Variants in RNF212 observed in about 807,000 individuals in gnomAD.
RNF212 encodes the protein probable E3 SUMO-protein ligase RNF212.
Under a neutral mutation model 34.7 loss-of-function variants are expected in RNF212, and 33 were observed. The ratio of observed to expected loss-of-function variants is 0.95; its 90% CI spans 0.72 to 1.27. The LOEUF (loss-of-function observed/expected upper bound fraction) is 1.27. Among genes scored for constraint, RNF212 ranks in the 50% most tolerant of loss-of-function variants. RNF212 has a pLI of 0.00. For synonymous variants in RNF212, 140 were observed against 136.1 expected, an observed-to-expected ratio of 1.03 and a Z score of -0.20; for missense variants, 377 against 362.2, an observed-to-expected ratio of 1.04 and a Z score of -0.33.
At chr4:1,075,537 C>T (rs1461865502) in intron 8 of RNF212, among the ~76,000 whole-genome samples, 2 of 152,232 alleles carry the variant, frequency 1.3e-5, no homozygotes, top group Non-Finnish European at 2.9e-5. Context: ...GCAAAGACAG[C>T]ACCAGCCACC....
intron 2 of RNF212, among the ~76,000 whole-genome samples, chr4:1,102,477 C>T (rs6814094): frequency 0.82 from 124,182 of 152,074 alleles, 52,282 homozygotes; most frequent in East Asian, 1. Context: ...CAGTTAAAAC[C>T]TGTGTTGTTC....
intron 5 of RNF212, among the ~76,000 whole-genome samples, chr4:1,084,238 A>G (rs1720821198): frequency 6.6e-6 from 1 of 152,214 alleles, no homozygotes; most frequent in African/African-American, 2.4e-5. Context: ...GGCGTGAGCC[A>G]CTGCGCCTGG....
intron 8 of RNF212, among the ~76,000 whole-genome samples, chr4:1,074,293 T>C (rs1441125504): frequency 6.6e-6 from 1 of 152,198 alleles, no homozygotes; most frequent in Non-Finnish European, 1.5e-5. Flanking sequence ...TTCTAGTTGC[T>C]GCCCCTTCCT....
chr4:1,103,327 T>C lies in RNF212; in HGVS notation c.171+5016A>G, dbSNP rs116365416. On this transcript the variant is annotated intron_variant, in intron 2 of 9. Transcript: ENST00000433731. Reference sequence around the variant, plus strand: ...GAATGCTACCAAACATTTAAAGAAATAACCCCCATCTTACAAAAAATTTTC... The same window carrying C: ...GAATGCTACCAAACATTTAAAGAAACAACCCCCATCTTACAAAAAATTTTC... Among the ~76,000 whole-genome samples, 775 of 152,110 alleles carry C rather than the reference T, an allele frequency of 5.1e-3. 5 individuals are homozygous for C. Among genetic ancestry groups the C allele is most frequent in the African/African-American group, 0.018 (735 of 41,484 alleles).
intron 7 of RNF212, among the ~76,000 whole-genome samples, chr4:1,081,093 T>G (rs999420528): frequency 6.6e-6 from 1 of 152,210 alleles, no homozygotes; most frequent in Non-Finnish European, 1.5e-5. Context: ...CTTAATTTCC[T>G]GTTAGGGCAG....
At chr4:1,061,070 G>T (rs926928634) in intron 3 of RNF212, among the ~76,000 whole-genome samples, 1 of 152,230 alleles carries the variant, frequency 6.6e-6, no homozygotes, top group Non-Finnish European at 1.5e-5. Flanking sequence ...ATTGACTCCT[G>T]AAATCAGAAC....
At chr4:1,071,381 A>G (rs956285302), downstream of RNF212, 3 of 152,224 alleles carry the variant, frequency 2.0e-5, no homozygotes, top group Non-Finnish European at 1.5e-5. Flanking sequence ...ATAAACTCCA[A>G]AGAATTTGGA....
chr4:1,099,598 T>C (rs1283460472), intron 2 of RNF212: 9 of 401,142 alleles, frequency 2.2e-5, no homozygotes, highest in Non-Finnish European at 4.0e-5. Context: ...AAGTCAAGAT[T>C]GCTCGCACAA....
intron 5 of RNF212, among the ~76,000 whole-genome samples, chr4:1,082,714 G>A (rs1426537935): frequency 6.6e-6 from 1 of 152,210 alleles, no homozygotes; most frequent in East Asian, 1.9e-4. Flanking sequence ...AGCTCCCAGA[G>A]GACGGGCACT....
At chr4:1,096,976 G>A in intron 2 of RNF212, 137 bp from the exon 3 acceptor site, 1 of 705,192 alleles carries the variant, frequency 1.4e-6, no homozygotes, top group Non-Finnish European at 2.5e-6. Context: ...GGCCTCTCAG[G>A]GGCCCTGCCA....
At chr4:1,111,182 C>T (rs1725603541) in intron 1 of RNF212, among the ~76,000 whole-genome samples, 1 of 152,214 alleles carries the variant, frequency 6.6e-6, no homozygotes, top group Non-Finnish European at 1.5e-5. Flanking sequence ...AGTTCATCAA[C>T]ATCTCTTTTT....
intron 1 of RNF212, among the ~76,000 whole-genome samples, chr4:1,109,033 A>G: frequency 7.4e-6 from 1 of 135,402 alleles, no homozygotes; most frequent in Non-Finnish European, 1.6e-5. Flanking sequence ...TTTGAGACAG[A>G]GTTTCACTCT....
chr4:1,075,083 TAC>T (rs1202917819), intron 8 of RNF212, among the ~76,000 whole-genome samples: 1 of 152,226 alleles, frequency 6.6e-6, no homozygotes, highest in East Asian at 1.9e-4. Flanking sequence ...AGCTGTGAGT[TAC>T]AGAAGACAGT....
intron 3 of RNF212, among the ~76,000 whole-genome samples, chr4:1,092,490 T>A (rs1039577605): frequency 6.7e-6 from 1 of 149,216 alleles, no homozygotes; most frequent in African/African-American, 2.6e-5. Flanking sequence ...TGCAGCCTCA[T>A]GCCGCCTCCG....
intron 9 of RNF212, 29 bp downstream of exon 9, chr4:1,073,570 G>T: frequency 3.4e-6 from 5 of 1,466,076 alleles, no homozygotes; most frequent in Non-Finnish European, 4.8e-6. Flanking sequence ...TGCATGTATC[G>T]GTCTGAGGTT....
At chr4:1,100,848 CAGTG>C (rs1391483927) in intron 2 of RNF212, 1 of 155,560 alleles carries the variant, frequency 6.4e-6, no homozygotes, top group Non-Finnish European at 1.4e-5. Flanking sequence ...TCAGGTTCTT[CAGTG>C]TAGATGCCTA....
chr4:1,090,050 A>AG (rs1176159653), intron 4 of RNF212, among the ~76,000 whole-genome samples: 1 of 149,224 alleles, frequency 6.7e-6, no homozygotes, highest in Non-Finnish European at 1.5e-5. Context: ...GTGACAGGAC[A>AG]GGGTGGTGGT....
chr4:1,108,225 G>C (rs1725120488), intron 2 of RNF212, 118 bp downstream of exon 2: 2 of 604,596 alleles, frequency 3.3e-6, no homozygotes, highest in Non-Finnish European at 5.7e-6. Context: ...AGATATCTTT[G>C]TTAACGGAGC....
At chr4:1,092,988 AC>A (rs1233930182) in intron 3 of RNF212, among the ~76,000 whole-genome samples, 1 of 59,566 alleles carries the variant, frequency 1.7e-5, no homozygotes, top group Non-Finnish European at 5.1e-5. Flanking sequence ...CTACGCCAGG[AC>A]CAGGGTCTGC....
Sources: allele counts gnomAD v4.1 joint callset (sites outside exome capture counted in the v4.1 genomes callset), GRCh38; gene constraint gnomAD v4.1.1; transcripts MANE v1.5; gene names NCBI Gene and HGNC (gene_info 2026-07-23, HGNC 2026-07-21).